Variants in ARHGEF37 observed in about 807,000 individuals in gnomAD.
The protein encoded by ARHGEF37 is Rho guanine nucleotide exchange factor (GEF) 37.
Under a neutral mutation model 71.1 loss-of-function variants are expected in ARHGEF37, and 55 were observed. The ratio of observed to expected loss-of-function variants is 0.77; its 90% CI spans 0.62 to 0.97. ARHGEF37 has a LOEUF of 0.97. Ranked by LOEUF, ARHGEF37 falls within the 50% of genes least tolerant of loss-of-function variation. ARHGEF37 has a pLI of 0.00. For synonymous variants in ARHGEF37, 327 were observed against 350.6 expected, an observed-to-expected ratio of 0.93 and a Z score of 0.75; for missense variants, 765 against 836.8, an observed-to-expected ratio of 0.91 and a Z score of 1.06.
chr5:149,597,864 G>C lies in ARHGEF37; in HGVS notation c.95G>C (p.Arg32Thr). The C allele has an allele frequency of 6.2e-7, 1 of 1,610,304 alleles. No individual in the cohort carries two copies. Among genetic ancestry groups the C allele is most frequent in the African/African-American group, 1.3e-5 (1 of 74,830 alleles). Residue 32 changes from arginine (R) to threonine (T), a missense_variant, in exon 2 of 13, where the codon AGG becomes ACG. This residue lies in a region of ARHGEF37 where 201 missense variants were observed against 217.5 expected (regional missense o/e 0.92). Coordinates refer to ENST00000333677, the MANE Select transcript of ARHGEF37 (RefSeq NM_001001669.3). ...ASEDRSLLHQ[R>T]LAVRELIDTE... is the part of the protein sequence containing the mutation. ...GAGGACAGATCGCTGCTTCATCAGA[G>C]GCTGGCTGTCCGGGAGCTCATCGAC... is the stretch of plus-strand genomic sequence containing the variant.
At chr5:149,584,642 C>T (rs375118775) in intron 1 of ARHGEF37, among the ~76,000 whole-genome samples, 9 of 151,744 alleles carry the variant, frequency 5.9e-5, no homozygotes, top group African/African-American at 1.9e-4. Context: ...TGGAGTCTCG[C>T]TCTGTCGCCC....
intron 1 of ARHGEF37, among the ~76,000 whole-genome samples, chr5:149,553,462 C>T (rs1344747265): frequency 1.3e-5 from 2 of 151,496 alleles, no homozygotes; most frequent in Admixed American, 6.6e-5. Flanking sequence ...GTTTAAGCAT[C>T]TTGAGTTTTC....
chr5:149,575,473 TC>T (rs1763015589), intron 1 of ARHGEF37, among the ~76,000 whole-genome samples: 1 of 152,150 alleles, frequency 6.6e-6, no homozygotes, highest in African/African-American at 2.4e-5. Context: ...TGGGTCTTCA[TC>T]CCTCTAGGCC....
intron 1 of ARHGEF37, among the ~76,000 whole-genome samples, chr5:149,572,656 T>C (rs1318166523): frequency 6.6e-6 from 1 of 152,186 alleles, no homozygotes. Flanking sequence ...TGGATGAGAT[T>C]AACCTTTACA....
intron 2 of ARHGEF37, among the ~76,000 whole-genome samples, chr5:149,600,607 C>G (rs1763722509): frequency 6.6e-6 from 1 of 151,968 alleles, no homozygotes; most frequent in African/African-American, 2.4e-5. Flanking sequence ...AGTACTCCGT[C>G]TGTTCCTCTC....
chr5:149,562,955 A>G (rs1416293737), intron 1 of ARHGEF37, among the ~76,000 whole-genome samples: 4 of 152,180 alleles, frequency 2.6e-5, no homozygotes, highest in Non-Finnish European at 5.9e-5. Flanking sequence ...TACATAGTTC[A>G]TCTGCAGCTC....
rs1363427868 is a variant in ARHGEF37, at chr5:149,609,703, G to A, written c.458+8G>A. On this transcript the variant is annotated splice_region_variant and intron_variant, in intron 4 of 12. Coordinates refer to ENST00000333677, the MANE Select transcript of ARHGEF37 (RefSeq NM_001001669.3). ...CATCGTTGAGGCGGTGGTGTGAGTAGAACGGCCAGTGAGCACTCGCTCCTA... is the reference window on the plus strand; with the variant it reads ...CATCGTTGAGGCGGTGGTGTGAGTAAAACGGCCAGTGAGCACTCGCTCCTA... 1 of 1,612,168 alleles carries A rather than the reference G, an allele frequency of 6.2e-7. No homozygotes were observed. Among genetic ancestry groups the A allele is most frequent in the East Asian group, 2.2e-5 (1 of 44,878 alleles).
rs1203666602 is a variant in ARHGEF37 at position 149,634,763 on chromosome 5, T to A, written c.*2572T>A. ...TGAACTGAACAAGACTTCCAGGAGT[T>A]GAAGTCTGGTTCACAAGGGTACCCC... On this transcript the variant is annotated 3_prime_UTR_variant, in exon 13 of 13. Transcript: ENST00000333677. The A allele has an allele frequency of 6.6e-6, 1 of 152,628 alleles. No homozygotes were observed. Among genetic ancestry groups the A allele is most frequent in the Non-Finnish European group, 1.5e-5 (1 of 68,032 alleles). The allele number at this position is 152,628 out of a possible 1,614,324, so 9.5% of individuals were successfully genotyped here.
chr5:149,617,389 C>G (rs1752411164), intron 5 of ARHGEF37, among the ~76,000 whole-genome samples: 1 of 152,136 alleles, frequency 6.6e-6, no homozygotes. Flanking sequence ...GAGCCTGCCT[C>G]TCAGGTTATT....
intron 11 of ARHGEF37, among the ~76,000 whole-genome samples, chr5:149,627,483 G>A (rs749210022): frequency 1.2e-4 from 19 of 152,216 alleles, no homozygotes; most frequent in Non-Finnish European, 1.9e-4. Flanking sequence ...TGAGGCATTC[G>A]TTGCAGGGTC....
At chr5:149,573,984 C>T (rs1263957950) in intron 1 of ARHGEF37, among the ~76,000 whole-genome samples, 2 of 152,004 alleles carry the variant, frequency 1.3e-5, no homozygotes, top group African/African-American at 4.8e-5. Flanking sequence ...TTTTTTAAGT[C>T]ACAATAAACA....
chr5:149,598,425 C>T (rs1304685241), intron 2 of ARHGEF37, among the ~76,000 whole-genome samples: 1 of 146,010 alleles, frequency 6.8e-6, no homozygotes, highest in Non-Finnish European at 1.5e-5. Context: ...CCTTCTTCTC[C>T]TTCTCCTTCT....
chr5:149,591,742 A>G (rs7705454), intron 1 of ARHGEF37, among the ~76,000 whole-genome samples: 99,823 of 152,110 alleles, frequency 0.66, 34,791 homozygotes, highest in East Asian at 0.99. Flanking sequence ...TTTCACTTTC[A>G]ATACTGTATT....
intron 1 of ARHGEF37, among the ~76,000 whole-genome samples, chr5:149,554,896 G>A (rs1441675826): frequency 1.3e-5 from 2 of 152,068 alleles, no homozygotes; most frequent in Non-Finnish European, 2.9e-5. Context: ...ACTTTGGGAG[G>A]CCAAGGCAGG....
intron 3 of ARHGEF37, among the ~76,000 whole-genome samples, chr5:149,607,812 G>A (rs1410119729): frequency 6.8e-6 from 1 of 146,948 alleles, no homozygotes; most frequent in Non-Finnish European, 1.5e-5. Context: ...ACCCAGGCTG[G>A]AGTGAGTGCA....
In ARHGEF37 at chr5:149,614,260, T is replaced by C. The variant is rs149411418; in HGVS notation, c.459-2307T>C. Among the ~76,000 whole-genome samples, 455 of 152,144 alleles carry C rather than the reference T, an allele frequency of 3.0e-3. 4 individuals are homozygous for C. The highest frequency in any genetic ancestry group is 0.011 in the African/African-American group (444 of 41,492). On this transcript the variant is annotated intron_variant, in intron 4 of 12. Coordinates refer to ENST00000333677, the MANE Select transcript of ARHGEF37 (RefSeq NM_001001669.3). ...TTGTGGGTATATTTCTAGGATGGGA[T>C]TGATGGAAGAAAGGGTTTGTACCCT...
intron 1 of ARHGEF37, among the ~76,000 whole-genome samples, chr5:149,592,116 G>A (rs563436014): frequency 4.5e-4 from 69 of 152,248 alleles, no homozygotes; most frequent in African/African-American, 1.7e-3. Context: ...TTTAAATATA[G>A]CACAACATCA....
At chr5:149,558,833 CAAA>C (rs749926556) in intron 1 of ARHGEF37, among the ~76,000 whole-genome samples, 1 of 150,236 alleles carries the variant, frequency 6.7e-6, no homozygotes, top group Non-Finnish European at 1.5e-5. Flanking sequence ...CGGAAAAAAA[CAAA>C]AATCTCTTAG....
chr5:149,590,282 C>CTTT (rs201826189), intron 1 of ARHGEF37, among the ~76,000 whole-genome samples: 6 of 139,082 alleles, frequency 4.3e-5, no homozygotes, highest in Non-Finnish European at 6.2e-5. Context: ...GATCATTCAA[C>CTTT]TTTTTTTTTT....
Sources: allele counts gnomAD v4.1 joint callset (sites outside exome capture counted in the v4.1 genomes callset), GRCh38; gene constraint gnomAD v4.1.1; regional missense constraint gnomAD v4.1.1; transcripts MANE v1.5; gene names NCBI Gene and HGNC (gene_info 2026-07-23, HGNC 2026-07-21).